Variants in NPTN observed in about 807,000 individuals in gnomAD.
The protein encoded by NPTN is SDR-1.
NPTN carries 5 observed loss-of-function variants against 42.7 expected under a neutral mutation model. That is an observed-to-expected ratio of 0.12 (90% CI 0.06 to 0.25). The LOEUF is 0.25. NPTN is among the 10% of genes least tolerant of loss of function. NPTN has a pLI of 1.00. For missense variants in NPTN, 307 were observed against 525.4 expected (o/e 0.58, Z 4.06); for synonymous variants, 180 against 201.9 (o/e 0.89, Z 0.92).
In NPTN at chr15:73,570,494, G is replaced by T; in HGVS notation, c.841-71C>A. ...CTAATGTTCAAGAGAGGGTGACACTGCTCTCCGTTCTTTTTAGGCACCAGC... is the reference window on the plus strand; with the variant it reads ...CTAATGTTCAAGAGAGGGTGACACTTCTCTCCGTTCTTTTTAGGCACCAGC... On this transcript the variant is annotated intron_variant, in intron 5 of 8. Transcript: ENST00000345330. The surrounding 1 kb of genome is among the most constrained non-coding windows in gnomAD (Gnocchi z 4.0). The T allele has an allele frequency of 7.0e-7, 1 of 1,424,490 alleles. No homozygotes were observed. The highest frequency in any genetic ancestry group is 9.7e-7 in the Non-Finnish European group (1 of 1,033,282). 88.2% of individuals were successfully genotyped at this position (1,424,490 alleles called of 1,614,324 possible). A position where few individuals can be genotyped will look rare whatever the true frequency, so the allele number is the denominator to read the frequency against.
At chr15:73,622,379 CA>C (rs1898177115) in intron 1 of NPTN, among the ~76,000 whole-genome samples, 1 of 150,708 alleles carries the variant, frequency 6.6e-6, no homozygotes, top group African/African-American at 2.4e-5. Flanking sequence ...CCCCCAGGCA[CA>C]AATATGGAAA....
intron 2 of NPTN, among the ~76,000 whole-genome samples, chr15:73,593,653 C>T (rs1386511703): frequency 6.6e-6 from 1 of 152,200 alleles, no homozygotes; most frequent in Non-Finnish European, 1.5e-5. Flanking sequence ...ACCTCCTAAC[C>T]GATGTAACAT....
At chr15:73,622,076 G>C (rs1412039280) in intron 1 of NPTN, among the ~76,000 whole-genome samples, 1 of 152,008 alleles carries the variant, frequency 6.6e-6, no homozygotes, top group Admixed American at 6.6e-5. Flanking sequence ...ACTCGAACCC[G>C]GGAGATGGAG....
rs193223829 is a variant in NPTN at position 73,630,026 on chromosome 15, T to C, written c.91+3099A>G. 6.6e-5 allele frequency among the ~76,000 whole-genome samples: 10 copies of C among 152,260 alleles called. No individual in the cohort carries two copies. In the East Asian group the frequency reaches 1.9e-3, roughly 29 times the overall value. On this transcript the variant is annotated intron_variant, in intron 1 of 8. Transcript: ENST00000345330. ...GGCCTATTTACCATGACAGCAGCAT[T>C]AACAATCAAGTTTTCAATATACACA...
chr15:73,600,078 G>A (rs1897014264), intron 1 of NPTN, among the ~76,000 whole-genome samples: 1 of 152,162 alleles, frequency 6.6e-6, no homozygotes, highest in Admixed American at 6.5e-5. Flanking sequence ...ACAGGTAGCT[G>A]AGAAACAGTC....
At chr15:73,629,915 G>A (rs1028407131) in intron 1 of NPTN, among the ~76,000 whole-genome samples, 1 of 151,818 alleles carries the variant, frequency 6.6e-6, no homozygotes, top group Non-Finnish European at 1.5e-5. Context: ...CACCAGAATT[G>A]GCAATTGCAG....
intron 1 of NPTN, among the ~76,000 whole-genome samples, chr15:73,602,522 C>T (rs1897124031): frequency 6.6e-6 from 1 of 152,170 alleles, no homozygotes. Context: ...GTCTAAAGGA[C>T]CCTTAACTGC....
At chr15:73,626,565 T>C (rs1369077770) in intron 1 of NPTN, among the ~76,000 whole-genome samples, 2 of 152,138 alleles carry the variant, frequency 1.3e-5, no homozygotes, top group African/African-American at 4.8e-5. Flanking sequence ...AATCCTACCA[T>C]CAGGAAGAAA....
At chr15:73,580,499 ATATATATAT>A (rs1386854743) in intron 4 of NPTN, among the ~76,000 whole-genome samples, 1 of 131,136 alleles carries the variant, frequency 7.6e-6, no homozygotes, top group East Asian at 2.0e-4. Context: ...ATATACATAA[ATATATATAT>A]TATATATAAT....
intron 1 of NPTN, among the ~76,000 whole-genome samples, chr15:73,616,144 T>A (rs1035957210): frequency 2.6e-5 from 4 of 152,216 alleles, no homozygotes; most frequent in Non-Finnish European, 5.9e-5. Context: ...ATAAGTATCT[T>A]AATTCTCAGT....
chr15:73,563,558 T>G lies in NPTN; in HGVS notation c.1115-301A>C, dbSNP rs1057236376. ...AGGCTGCAACATTGTTATACTCATC[T>G]TGTCCCCAAGTTCCAGTGGTTCACT... On this transcript the variant is annotated intron_variant, in intron 6 of 8. Coordinates refer to ENST00000345330, the MANE Select transcript of NPTN (RefSeq NM_012428.4). The G allele has an allele frequency of 1.2e-5, 15 of 1,202,942 alleles. No homozygotes were observed. In the African/African-American group the frequency reaches 2.0e-4, roughly 16 times the overall value. 74.5% of individuals were successfully genotyped at this position (1,202,942 alleles called of 1,614,324 possible).
chr15:73,598,674 G>A (rs1034262202), intron 1 of NPTN, among the ~76,000 whole-genome samples: 1 of 152,140 alleles, frequency 6.6e-6, no homozygotes, highest in Non-Finnish European at 1.5e-5. Flanking sequence ...ACGTCCCCTG[G>A]GAGGCCTGCT....
At chr15:73,583,059 C>T (rs1896133166) in intron 4 of NPTN, among the ~76,000 whole-genome samples, 2 of 152,196 alleles carry the variant, frequency 1.3e-5, no homozygotes, top group Admixed American at 1.3e-4. Context: ...CTAGGAAACA[C>T]TAATACACAA....
chr15:73,627,678 C>T (rs1220485490), intron 1 of NPTN, among the ~76,000 whole-genome samples: 2 of 152,162 alleles, frequency 1.3e-5, no homozygotes. Context: ...TGCCTTTGTA[C>T]ATACACAAAA....
At chr15:73,625,693 T>C (rs1898368930) in intron 1 of NPTN, among the ~76,000 whole-genome samples, 1 of 152,194 alleles carries the variant, frequency 6.6e-6, no homozygotes, top group African/African-American at 2.4e-5. Context: ...TATCTTTTAC[T>C]CATATAAACT....
chr15:73,563,789 G>C (rs1894823348), intron 6 of NPTN, among the ~76,000 whole-genome samples: 1 of 152,196 alleles, frequency 6.6e-6, no homozygotes, highest in Admixed American at 6.5e-5. Context: ...CTTTAGTCTG[G>C]AGAATGAGAT....
At position 73,633,286 on chromosome 15, in the gene NPTN, A is replaced by C; in HGVS notation, c.-71T>G. The C allele has an allele frequency of 2.9e-6, 1 of 343,972 alleles. No individual in the cohort carries two copies. Among genetic ancestry groups the C allele is most frequent in the Non-Finnish European group, 5.6e-6 (1 of 179,538 alleles). The allele number at this position is 343,972 out of a possible 1,614,324, so 21.3% of individuals were successfully genotyped here. A position where few individuals can be genotyped will look rare whatever the true frequency, so the allele number is the denominator to read the frequency against. ...CGGGGCCGGGGAAGGGAGGGGAGGG[A>C]GGGAGGGGGCGGGCGAGTGCGCGAG... On this transcript the variant is annotated 5_prime_UTR_variant, in exon 1 of 9. Transcript: ENST00000345330.
At position 73,560,016 on chromosome 15, in the gene NPTN, C is replaced by A; in HGVS notation, c.*1047G>T. 8.9e-7 allele frequency: 1 copy of A among 1,117,366 alleles called. No individual in the cohort carries two copies. Among genetic ancestry groups the A allele is most frequent in the Non-Finnish European group, 1.2e-6 (1 of 803,598 alleles). The allele number at this position is 1,117,366 out of a possible 1,614,324, so 69.2% of individuals were successfully genotyped here. ...TAGAATAAAGAGTATTATCCAAACA[C>A]CTTTTATCAATGTTTTATTTTTAAA... On this transcript the variant is annotated 3_prime_UTR_variant, in exon 9 of 9. Coordinates refer to ENST00000345330, the MANE Select transcript of NPTN (RefSeq NM_012428.4).
chr15:73,606,801 CAA>C (rs1897312413), intron 1 of NPTN, among the ~76,000 whole-genome samples: 1 of 152,200 alleles, frequency 6.6e-6, no homozygotes, highest in Non-Finnish European at 1.5e-5. Flanking sequence ...TTCAATTCGA[CAA>C]AGATTCTTTG....
Sources: gnomAD v4.1 joint callset for allele counts (sites outside exome capture counted in the v4.1 genomes callset) on GRCh38, gnomAD v4.1.1 for gene constraint, Gnocchi (gnomAD v3.1) non-coding constraint, MANE v1.5 for transcripts, NCBI Gene and HGNC (gene_info 2026-07-23, HGNC 2026-07-21) for gene names.